Variants in TNFRSF9 observed in about 807,000 individuals in gnomAD.
The protein encoded by TNFRSF9 is TNF receptor superfamily member 9, also known as tumor necrosis factor receptor superfamily member 9.
Under a neutral mutation model 28.8 loss-of-function variants are expected in TNFRSF9, and 16 were observed. The ratio of observed to expected loss-of-function variants is 0.55; its 90% CI spans 0.38 to 0.84. TNFRSF9 has a LOEUF of 0.84. Ranked by LOEUF, TNFRSF9 falls within the 40% of genes least tolerant of loss-of-function variation. The pLI is 0.00. For missense variants in TNFRSF9, 303 were observed against 315.0 expected (o/e 0.96, Z 0.29); for synonymous variants, 131 against 117.0 (o/e 1.12, Z -0.77).
intron 7 of TNFRSF9, among the ~76,000 whole-genome samples, chr1:7,923,977 A>G (rs1050361369): frequency 1.3e-5 from 2 of 152,210 alleles, no homozygotes; most frequent in Non-Finnish European, 2.9e-5. Context: ...CCTGCATTAG[A>G]ATACAGTCAT....
At chr1:7,922,080 G>A (rs1179562635) in intron 7 of TNFRSF9, 3 of 152,204 alleles carry the variant, frequency 2.0e-5, no homozygotes, top group Admixed American at 2.0e-4. Flanking sequence ...TTACATGTTA[G>A]TGAAGTATTT....
At chr1:7,932,355 A>G (rs1205137761) in intron 7 of TNFRSF9, among the ~76,000 whole-genome samples, 3 of 152,152 alleles carry the variant, frequency 2.0e-5, no homozygotes, top group African/African-American at 7.2e-5. Context: ...CCATCTATAT[A>G]CTTTTTCAAA....
intron 2 of TNFRSF9, among the ~76,000 whole-genome samples, chr1:7,939,621 G>T (rs1639873042): frequency 6.6e-6 from 1 of 152,162 alleles, no homozygotes; most frequent in Non-Finnish European, 1.5e-5. Context: ...CTTGCCTTGT[G>T]CCATGCACTG....
chr1:7,930,144 T>C (rs1488612496), intron 7 of TNFRSF9, among the ~76,000 whole-genome samples: 1 of 151,946 alleles, frequency 6.6e-6, no homozygotes, highest in African/African-American at 2.4e-5. Flanking sequence ...TAATTTTTTG[T>C]ATTTTTAGTA....
rs562426074 is a variant in TNFRSF9 at position 7,925,065 on chromosome 1, G to A, written c.680-4142C>T. Among the ~76,000 whole-genome samples, 15 of 152,148 alleles carry A rather than the reference G, an allele frequency of 9.9e-5. No homozygotes were observed. In the East Asian group the frequency reaches 2.7e-3, roughly 28 times the overall value. On this transcript the variant is annotated intron_variant, in intron 7 of 7. Transcript: ENST00000377507. Reference sequence around the variant, plus strand: ...GCGGTGGCTCATGCCTGTAATCCCAGCACTTTGGGAGGCCGAGGTGGGCAG... The same window carrying A: ...GCGGTGGCTCATGCCTGTAATCCCAACACTTTGGGAGGCCGAGGTGGGCAG...
rs9658011 is a variant in TNFRSF9 at position 7,929,351 on chromosome 1, G to A, written c.679+3811C>T. 9.3e-3 allele frequency among the ~76,000 whole-genome samples: 1,417 copies of A among 151,806 alleles called. 26 individuals carry two copies. Among genetic ancestry groups the A allele is most frequent in the African/African-American group, 0.033 (1,350 of 41,388 alleles). Reference sequence around the variant, plus strand: ...GGGCTAACTTTTTGTATTTTTAGTAGAGATGGGGTTTCACCATGTTGGCCA... The same window carrying A: ...GGGCTAACTTTTTGTATTTTTAGTAAAGATGGGGTTTCACCATGTTGGCCA... On this transcript the variant is annotated intron_variant, in intron 7 of 7. Coordinates refer to ENST00000377507, the MANE Select transcript of TNFRSF9 (RefSeq NM_001561.6).
At chr1:7,935,622 T>TG (rs1217171792) in intron 5 of TNFRSF9, among the ~76,000 whole-genome samples, 2 of 152,146 alleles carry the variant, frequency 1.3e-5, no homozygotes. Context: ...GACCAGGCGT[T>TG]GGAGACCAGC....
chr1:7,921,582 C>A (rs9658035), intron 7 of TNFRSF9, among the ~76,000 whole-genome samples: 3,253 of 150,540 alleles, frequency 0.022, 280 homozygotes, highest in Admixed American at 0.15. Context: ...GGCAGAGAAT[C>A]GCCTGAACCT....
intron 7 of TNFRSF9, among the ~76,000 whole-genome samples, chr1:7,928,582 G>A (rs778347797): frequency 2.6e-5 from 4 of 152,204 alleles, no homozygotes; most frequent in African/African-American, 7.2e-5. Context: ...TCAAAATGGA[G>A]TAACTTGTGT....
At position 7,938,746 on chromosome 1, in the gene TNFRSF9, G is replaced by T. The variant is rs779099628; in HGVS notation, c.183C>A (p.Thr61=). The change falls in exon 3 of 8, where the codon ACC becomes ACA. Residue 61 remains threonine (T), a synonymous_variant. Transcript: ENST00000377507. ...NSFSSAGGQR[T]CDICRQCKGV... ...CTTTACACTGCCTGCATATGTCACA[G>T]GTCCTTTGTCCACCTGCGCTGGAGA... is the stretch of plus-strand genomic sequence containing the variant. 3 of 1,613,200 alleles carry T rather than the reference G, an allele frequency of 1.9e-6. No homozygotes were observed. Among genetic ancestry groups the T allele is most frequent in the South Asian group, 2.2e-5 (2 of 90,940 alleles).
At chr1:7,933,619 C>G (rs900040203) in intron 6 of TNFRSF9, among the ~76,000 whole-genome samples, 1 of 151,816 alleles carries the variant, frequency 6.6e-6, no homozygotes, top group African/African-American at 2.4e-5. Context: ...GGCTTGAACC[C>G]GGGAGGCGGA....
intron 7 of TNFRSF9, among the ~76,000 whole-genome samples, chr1:7,924,319 AT>A (rs1639606211): frequency 9.1e-6 from 1 of 109,362 alleles, no homozygotes; most frequent in Admixed American, 1.2e-4. Context: ...ATATATATAT[AT>A]ATATATATAT....
chr1:7,922,756 G>A (rs17229081), intron 7 of TNFRSF9, among the ~76,000 whole-genome samples: 19,831 of 151,610 alleles, frequency 0.13, 1,603 homozygotes, highest in Non-Finnish European at 0.16. Context: ...AGGTTGCAGA[G>A]AGCTGAGATT....
At position 7,916,994 on chromosome 1, in the gene TNFRSF9, A is replaced by G. The variant is rs1437985424; in HGVS notation, c.*3841T>C. 1 of 152,138 alleles carries G rather than the reference A, an allele frequency of 6.6e-6. No individual in the cohort carries two copies. The highest frequency in any genetic ancestry group is 2.4e-5 in the African/African-American group (1 of 41,416). The allele number at this position is 152,138 out of a possible 1,614,324, so 9.4% of individuals were successfully genotyped here. ...ACCCAGGCTGGAGTGCAATGGTACG[A>G]TCTCGGCTCACTGCAACCTCCGCCC... On this transcript the variant is annotated 3_prime_UTR_variant, in exon 8 of 8. Transcript: ENST00000377507.
At chr1:7,935,242 G>C (rs1578076605) in intron 5 of TNFRSF9, 99 bp from the exon 6 acceptor site, 1 of 1,367,270 alleles carries the variant, frequency 7.3e-7, no homozygotes, top group Non-Finnish European at 1.0e-6. Flanking sequence ...GTAGCCTAGT[G>C]AAAAAGATAT....
In TNFRSF9 at chr1:7,933,219, G is replaced by A; in HGVS notation, c.622C>T (p.Leu208Phe). 1 of 1,614,010 alleles carries A rather than the reference G, an allele frequency of 6.2e-7. No individual in the cohort carries two copies. Among genetic ancestry groups the A allele is most frequent in the Non-Finnish European group, 8.5e-7 (1 of 1,179,898 alleles). Residue 208 changes from leucine (L) to phenylalanine (F), a missense_variant, in exon 7 of 8, where the codon CTC becomes TTC. Coordinates refer to ENST00000377507, the MANE Select transcript of TNFRSF9 (RefSeq NM_001561.6). The part of the protein sequence containing the change: ...ALLFLLFFLT[L>F]RFSVVKRGRK... ...CCCCGTTTAACAACAGAGAAACGGA[G>A]CGTGAGGAAGAACAGCAGGAAGAGC...
At chr1:7,937,152 A>G (rs1639826529) in intron 5 of TNFRSF9, among the ~76,000 whole-genome samples, 1 of 152,216 alleles carries the variant, frequency 6.6e-6, no homozygotes, top group South Asian at 2.1e-4. Flanking sequence ...AAAGAGGCAG[A>G]CAGCGGCAAA....
intron 7 of TNFRSF9, among the ~76,000 whole-genome samples, chr1:7,929,164 T>TC (rs1557427301): frequency 5.2e-5 from 7 of 133,396 alleles, no homozygotes; most frequent in South Asian, 2.5e-4. Context: ...TTTCCTTTTT[T>TC]TTTTTTTTTT....
In TNFRSF9 at chr1:7,937,769, A is replaced by T. The variant is rs1344028820; in HGVS notation, c.347-13T>A. ...CAGTCTTTACAACCTTGTATTAAAA[A>T]TGAAAGCAATAATAAAAGGGAAGCA... On this transcript the variant is annotated splice_polypyrimidine_tract_variant and intron_variant, in intron 4 of 7. Coordinates refer to ENST00000377507, the MANE Select transcript of TNFRSF9 (RefSeq NM_001561.6). The T allele has an allele frequency of 3.7e-6, 6 of 1,605,180 alleles. No homozygotes were observed. Among genetic ancestry groups the T allele is most frequent in the Non-Finnish European group, 5.1e-6 (6 of 1,173,654 alleles).
Sources: allele counts gnomAD v4.1 joint callset (sites outside exome capture counted in the v4.1 genomes callset), GRCh38; gene constraint gnomAD v4.1.1; transcripts MANE v1.5; gene names NCBI Gene and HGNC (gene_info 2026-07-23, HGNC 2026-07-21).